Variants in TBCEL observed in about 807,000 individuals in gnomAD.
TBCEL encodes the protein tubulin folding cofactor E like, also known as tubulin-specific chaperone cofactor E-like protein.
TBCEL carries 15 observed loss-of-function variants against 44.2 expected under a neutral mutation model. The observed-to-expected ratio is 0.34, with a 90% confidence interval of 0.23 to 0.52. The LOEUF (loss-of-function observed/expected upper bound fraction) is 0.52. TBCEL is among the 20% of genes least tolerant of loss of function. The probability of loss-of-function intolerance (pLI) is 0.95; values close to 1 mark genes in which losing one functional copy is unlikely to be tolerated. For synonymous variants in TBCEL, 171 were observed against 185.4 expected, an observed-to-expected ratio of 0.92 and a Z score of 0.63; for missense variants, 319 against 506.3, an observed-to-expected ratio of 0.63 and a Z score of 3.55.
intron 8 of TBCEL, among the ~76,000 whole-genome samples, chr11:121,071,521 C>T (rs898820192): frequency 6.6e-6 from 1 of 152,116 alleles, no homozygotes; most frequent in African/African-American, 2.4e-5. Flanking sequence ...ATGCCAGAAA[C>T]AGGTTTTCTT....
chr11:121,070,111 A>G (rs1279268607), intron 8 of TBCEL, among the ~76,000 whole-genome samples: 3 of 152,228 alleles, frequency 2.0e-5, no homozygotes, highest in South Asian at 2.1e-4. Flanking sequence ...AATGCTCATC[A>G]TCACTGGCCA....
chr11:121,072,565 G>A (rs1309603163), intron 8 of TBCEL, among the ~76,000 whole-genome samples: 6 of 151,960 alleles, frequency 3.9e-5, no homozygotes, highest in African/African-American at 9.7e-5. Context: ...TTGTATGCTT[G>A]ATGTCTATTT....
chr11:121,053,256 C>G (rs1312552494), intron 4 of TBCEL, among the ~76,000 whole-genome samples: 1 of 151,920 alleles, frequency 6.6e-6, no homozygotes, highest in East Asian at 1.9e-4. Context: ...GAGAACGTCA[C>G]ATAGAGCAGA....
At chr11:121,047,091 A>G (rs556826084) in intron 3 of TBCEL, among the ~76,000 whole-genome samples, 1 of 152,068 alleles carries the variant, frequency 6.6e-6, no homozygotes, top group East Asian at 1.9e-4. Flanking sequence ...AAAGATAAAG[A>G]TACACATCAG....
Position 121,086,941 on chromosome 11 carries a change from A to G in TBCEL, c.1120A>G (p.Thr374Ala). The G allele has an allele frequency of 6.2e-7, 1 of 1,613,698 alleles. No individual in the cohort carries two copies. The highest frequency in any genetic ancestry group is 8.5e-7 in the Non-Finnish European group (1 of 1,179,922). Residue 374 changes from threonine to alanine, a missense_variant, in exon 9 of 9, where the codon ACT becomes GCT. Transcript: ENST00000683345. ...TVAELKKQLK[T>A]LVQLPTSNML... ...GGCAGAACTAAAGAAACAGTTAAAA[A>G]CTCTAGTACAATTACCCACAAGCAA...
intron 1 of TBCEL, among the ~76,000 whole-genome samples, chr11:121,026,917 A>G (rs1945056351): frequency 6.6e-6 from 1 of 152,170 alleles, no homozygotes; most frequent in Non-Finnish European, 1.5e-5. Context: ...GCTTTTTAAT[A>G]GTTTTTGTTT....
rs1356884775 is a variant in TBCEL at position 121,058,510 on chromosome 11, C to A, written c.839+39C>A. 3 of 1,606,692 alleles carry A rather than the reference C, an allele frequency of 1.9e-6. No homozygotes were observed. The Admixed American group carries it at 5.0e-5, about 27-fold the overall frequency. On this transcript the variant is annotated intron_variant, in intron 7 of 8. Coordinates refer to ENST00000683345, the MANE Select transcript of TBCEL (RefSeq NM_001363644.2). ...ATCGTTTTGCTTTATTTTTGTGAGG[C>A]CTTATTGTTTCATTAAAGGAATAAT... is the stretch of plus-strand genomic sequence containing the variant.
At chr11:121,026,081 C>T (rs1459406495) in intron 1 of TBCEL, among the ~76,000 whole-genome samples, 3 of 151,968 alleles carry the variant, frequency 2.0e-5, no homozygotes, top group Admixed American at 6.5e-5. Context: ...CTTCTTACTG[C>T]AGTAATTATT....
At chr11:121,080,460 T>C (rs1946105545) in intron 8 of TBCEL, among the ~76,000 whole-genome samples, 1 of 152,202 alleles carries the variant, frequency 6.6e-6, no homozygotes, top group African/African-American at 2.4e-5. Context: ...TCCCCTTATT[T>C]TTCTCTAGGA....
chr11:121,045,555 G>A (rs947447765), intron 2 of TBCEL, 119 bp from the exon 3 acceptor site: 6 of 745,682 alleles, frequency 8.0e-6, no homozygotes, highest in Non-Finnish European at 6.1e-6. Context: ...CAGTAACTAA[G>A]TATCATATGT....
chr11:121,036,453 G>A (rs950612835), intron 1 of TBCEL, 52 bp from the exon 2 acceptor site: 1 of 152,080 alleles, frequency 6.6e-6, no homozygotes, highest in African/African-American at 2.4e-5. Context: ...AACCTTTTTG[G>A]TTGTTTTTGT....
chr11:121,061,549 C>T (rs1040984662), intron 8 of TBCEL, among the ~76,000 whole-genome samples: 4 of 152,026 alleles, frequency 2.6e-5, no homozygotes, highest in African/African-American at 4.8e-5. Context: ...TAGCCTACTA[C>T]ACACCTAGGC....
At chr11:121,026,213 TA>T (rs1376552238) in intron 1 of TBCEL, among the ~76,000 whole-genome samples, 1 of 152,208 alleles carries the variant, frequency 6.6e-6, no homozygotes, top group East Asian at 1.9e-4. Flanking sequence ...AACTTAATCA[TA>T]AACCTAAGTA....
chr11:121,057,557 C>T (rs1945643740), intron 6 of TBCEL: 1 of 453,682 alleles, frequency 2.2e-6, no homozygotes, highest in African/African-American at 2.0e-5. Context: ...CCTCCATATT[C>T]ATGGACTTCA....
intron 2 of TBCEL, among the ~76,000 whole-genome samples, chr11:121,040,154 G>A (rs1157463784): frequency 2.0e-5 from 3 of 152,116 alleles, no homozygotes; most frequent in Non-Finnish European, 4.4e-5. Flanking sequence ...GCTTCAGGAA[G>A]CACCTCTCTT....
chr11:121,078,199 A>G (rs74936924), intron 8 of TBCEL, among the ~76,000 whole-genome samples: 4,136 of 152,270 alleles, frequency 0.027, 150 homozygotes, highest in African/African-American at 0.078. Context: ...GGTTTTATCA[A>G]TTACTGAGAG....
At chr11:121,040,918 A>G (rs889647300) in intron 2 of TBCEL, among the ~76,000 whole-genome samples, 3 of 152,176 alleles carry the variant, frequency 2.0e-5, no homozygotes, top group Admixed American at 1.3e-4. Flanking sequence ...ATTCATTTCT[A>G]TTTTATCCTT....
Position 121,028,611 on chromosome 11 carries a change from A to T in TBCEL, c.-126+4320A>T, listed in dbSNP as rs142825550. On this transcript the variant is annotated intron_variant, in intron 1 of 8. Transcript: ENST00000683345. Reference sequence around the variant, plus strand: ...GTGATAACTAAGTGAGATAATACATATAAAACAACACAGTACACAACACAT... The same window carrying T: ...GTGATAACTAAGTGAGATAATACATTTAAAACAACACAGTACACAACACAT... Among the ~76,000 whole-genome samples the T allele has an allele frequency of 1.5e-3, 221 of 152,360 alleles. 2 individuals are homozygous for T. The highest frequency in any genetic ancestry group is 5.2e-3 in the African/African-American group (215 of 41,596).
At chr11:121,029,023 T>C (rs1173925512) in intron 1 of TBCEL, among the ~76,000 whole-genome samples, 1 of 152,148 alleles carries the variant, frequency 6.6e-6, no homozygotes, top group Admixed American at 6.5e-5. Flanking sequence ...ATATACTCTA[T>C]ACTCTACACC....
Sources: allele counts gnomAD v4.1 joint callset (sites outside exome capture counted in the v4.1 genomes callset), GRCh38; gene constraint gnomAD v4.1.1; transcripts MANE v1.5; gene names NCBI Gene and HGNC (gene_info 2026-07-23, HGNC 2026-07-21).